The following MBD5 variants were observed in gnomAD, a reference collection of about 807,000 sequenced individuals.
MBD5 encodes methyl-CpG binding domain protein 5.
MBD5 carries 13 observed loss-of-function variants against 117.3 expected under a neutral mutation model. The observed-to-expected ratio is 0.11, with a 90% CI of 0.07 to 0.18. MBD5 has a LOEUF of 0.18. Among genes scored for constraint, MBD5 ranks in the 10% least tolerant of loss-of-function variants. The pLI, the probability that MBD5 is intolerant of heterozygous loss-of-function variation, is 1.00. For missense variants in MBD5, 1,879 were observed against 2,093.8 expected (o/e 0.90, Z 2.00); for synonymous variants, 727 against 766.4 (o/e 0.95, Z 0.85).
At chr2:148,154,676 G>T (rs973983334) in intron 1 of MBD5, among the ~76,000 whole-genome samples, 1 of 152,168 alleles carries the variant, frequency 6.6e-6, no homozygotes, top group Non-Finnish European at 1.5e-5. Flanking sequence ...CAGTAATCGG[G>T]TGGGAGTGAC....
chr2:148,346,193 A>C (rs987120976), intron 4 of MBD5: 1 of 150,472 alleles, frequency 6.6e-6, no homozygotes, highest in African/African-American at 2.5e-5. Context: ...ATTTGAAAAG[A>C]AGAAGAAGAA....
At chr2:148,296,863 AATTT>A (rs1442426217) in intron 3 of MBD5, among the ~76,000 whole-genome samples, 1 of 37,714 alleles carries the variant, frequency 2.7e-5, no homozygotes, top group Admixed American at 4.5e-4. Context: ...TTAGTTCTTC[AATTT>A]TTTTTTTTTT....
chr2:148,351,249 C>T (rs1305439360), intron 4 of MBD5, among the ~76,000 whole-genome samples: 1 of 151,962 alleles, frequency 6.6e-6, no homozygotes, highest in Non-Finnish European at 1.5e-5. Context: ...ATCCTATAAA[C>T]ACTGGTATTC....
chr2:148,075,764 A>G (rs1252948924), intron 1 of MBD5, among the ~76,000 whole-genome samples: 1 of 152,090 alleles, frequency 6.6e-6, no homozygotes, highest in Non-Finnish European at 1.5e-5. Context: ...ATAATTGATT[A>G]GACTTTTATA....
intron 1 of MBD5, chr2:148,055,004 A>T (rs1212868265): frequency 6.6e-6 from 1 of 152,190 alleles, no homozygotes; most frequent in Admixed American, 6.5e-5. Flanking sequence ...TTTAATTTAC[A>T]GTTCCCCAAT....
At chr2:148,206,921 A>G (rs1296393787) in intron 2 of MBD5, among the ~76,000 whole-genome samples, 3 of 152,260 alleles carry the variant, frequency 2.0e-5, no homozygotes, top group Non-Finnish European at 2.9e-5. Context: ...CATTGAAAAT[A>G]GTCAGAAACA....
chr2:148,199,678 T>C (rs1208686198), intron 2 of MBD5, among the ~76,000 whole-genome samples: 1 of 151,954 alleles, frequency 6.6e-6, no homozygotes, highest in Non-Finnish European at 1.5e-5. Context: ...GAGGATCACT[T>C]AAGCCCAGGA....
intron 4 of MBD5, among the ~76,000 whole-genome samples, chr2:148,400,877 T>TA (rs1704898697): frequency 6.6e-6 from 1 of 152,182 alleles, no homozygotes; most frequent in Admixed American, 6.5e-5. Context: ...TTCTTGCTGA[T>TA]ATTGTCTTCA....
At chr2:148,092,980 C>T (rs763215136) in intron 1 of MBD5, among the ~76,000 whole-genome samples, 8 of 151,616 alleles carry the variant, frequency 5.3e-5, no homozygotes, top group African/African-American at 7.3e-5. Context: ...TGCAGTGGCG[C>T]GATCTTGGCT....
chr2:148,220,119 C>A (rs1040064731), intron 2 of MBD5: 2 of 152,178 alleles, frequency 1.3e-5, no homozygotes, highest in African/African-American at 4.8e-5. Context: ...CTGTATCACA[C>A]AGACCAGGTG....
chr2:148,091,655 A>G (rs556987293), intron 1 of MBD5, among the ~76,000 whole-genome samples: 1 of 152,328 alleles, frequency 6.6e-6, no homozygotes, highest in Admixed American at 6.5e-5. Context: ...ACAAAAATCC[A>G]TTCAAGACAG....
chr2:148,048,232 A>C (rs1343212331), intron 1 of MBD5, among the ~76,000 whole-genome samples: 1 of 152,220 alleles, frequency 6.6e-6, no homozygotes, highest in African/African-American at 2.4e-5. Flanking sequence ...AGTTGTTGAC[A>C]CAATGCCTGG....
Position 148,424,771 on chromosome 2 carries a change from C to T in MBD5, c.-556-33432C>T, listed in dbSNP as rs184249457. On this transcript the variant is annotated intron_variant, in intron 4 of 13. Transcript: ENST00000642680. ...AACTACATGAACACTGAACAACCTG[C>T]TCCTGAATGAATACTGGATAAATAA... Among the ~76,000 whole-genome samples the T allele has an allele frequency of 9.7e-4, 148 of 152,294 alleles. 1 individual carries two copies. The highest frequency in any genetic ancestry group is 3.3e-3 in the African/African-American group (137 of 41,566).
chr2:148,449,710 A>G (rs1467787755), intron 4 of MBD5, among the ~76,000 whole-genome samples: 2 of 152,056 alleles, frequency 1.3e-5, no homozygotes, highest in Non-Finnish European at 2.9e-5. Context: ...GACTCTCCAT[A>G]TCTTTTTCTC....
At chr2:148,390,776 G>A (rs935248956) in intron 4 of MBD5, among the ~76,000 whole-genome samples, 3 of 151,870 alleles carry the variant, frequency 2.0e-5, no homozygotes, top group African/African-American at 7.3e-5. Flanking sequence ...TGTTGCCCTG[G>A]TCTCGAACTC....
Position 148,516,183 on chromosome 2 carries a change from A to G in MBD5, c.*3242A>G, listed in dbSNP as rs1441029027. 1 of 152,230 alleles carries G rather than the reference A, an allele frequency of 6.6e-6. No individual in the cohort carries two copies. The highest frequency in any genetic ancestry group is 1.5e-5 in the Non-Finnish European group (1 of 68,034). 9.4% of individuals were successfully genotyped at this position (152,230 alleles called of 1,614,324 possible). A position where few individuals can be genotyped will look rare whatever the true frequency, so the allele number is the denominator to read the frequency against. On this transcript the variant is annotated 3_prime_UTR_variant, in exon 14 of 14. Transcript: ENST00000642680. The stretch of plus-strand genomic sequence containing the variant: ...ATTCTTATATCCTACGAGGTGACTC[A>G]TGTTTCATTTTAGACCATGATAGCA...
chr2:148,073,398 A>G (rs1695412755), intron 1 of MBD5, among the ~76,000 whole-genome samples: 1 of 152,146 alleles, frequency 6.6e-6, no homozygotes, highest in Admixed American at 6.5e-5. Context: ...TTGATGTTAA[A>G]AGTCAGTGTC....
chr2:148,263,037 C>A (rs992649566), intron 3 of MBD5, among the ~76,000 whole-genome samples: 1 of 152,086 alleles, frequency 6.6e-6, no homozygotes, highest in Admixed American at 6.5e-5. Flanking sequence ...AGGAATCATG[C>A]GTTGTTTGAT....
At chr2:148,318,113 A>T (rs1324596674) in intron 3 of MBD5, among the ~76,000 whole-genome samples, 1 of 152,140 alleles carries the variant, frequency 6.6e-6, no homozygotes, top group East Asian at 1.9e-4. Flanking sequence ...CCTCTGCAAC[A>T]TCTGTTGTTT....
Sources: gnomAD v4.1 joint callset for allele counts (sites outside exome capture counted in the v4.1 genomes callset) on GRCh38, gnomAD v4.1.1 for gene constraint, MANE v1.5 for transcripts, NCBI Gene and HGNC (gene_info 2026-07-23, HGNC 2026-07-21) for gene names.